ARHGAP10: variants seen among roughly 807,000 people sequenced by gnomAD.
The protein encoded by ARHGAP10 is Rho GTPase activating protein 10.
A neutral mutation model predicts 108.6 loss-of-function variants in ARHGAP10; 87 were observed. The observed-to-expected ratio is 0.80, with a 90% CI of 0.67 to 0.96. The LOEUF (loss-of-function observed/expected upper bound fraction) is 0.96, where lower values mean the gene tolerates loss of function less well. Among genes scored for constraint, ARHGAP10 ranks in the 40% least tolerant of loss-of-function variants. The pLI, the probability that ARHGAP10 is intolerant of heterozygous loss-of-function variation, is 0.00. For missense variants in ARHGAP10, 939 were observed against 954.5 expected, an observed-to-expected ratio of 0.98 and a Z score of 0.21; for synonymous variants, 347 against 341.1, an observed-to-expected ratio of 1.02 and a Z score of -0.19.
intron 19 of ARHGAP10, among the ~76,000 whole-genome samples, chr4:148,029,363 C>T (rs1415212013): frequency 6.6e-6 from 1 of 152,218 alleles, no homozygotes; most frequent in East Asian, 1.9e-4. Flanking sequence ...GCGGTGCACT[C>T]TGTAATCTCA....
chr4:147,767,898 T>A (rs542608215), intron 1 of ARHGAP10, among the ~76,000 whole-genome samples: 2 of 152,276 alleles, frequency 1.3e-5, no homozygotes, highest in East Asian at 3.9e-4. Flanking sequence ...GACAGACACA[T>A]TAGAGCCCTT....
At chr4:148,012,288 T>A (rs1216445789) in intron 18 of ARHGAP10, among the ~76,000 whole-genome samples, 1 of 152,212 alleles carries the variant, frequency 6.6e-6, no homozygotes, top group Non-Finnish European at 1.5e-5. Context: ...ACATGGCTGC[T>A]ATGTCTGAGA....
chr4:148,070,363 G>C (rs3884525), intron 22 of ARHGAP10, among the ~76,000 whole-genome samples: 103,952 of 152,044 alleles, frequency 0.68, 35,727 homozygotes, highest in East Asian at 0.83. Flanking sequence ...CCAGGGAGGC[G>C]TTGAAGCCAG....
At chr4:147,925,317 C>T (rs1258721845) in intron 13 of ARHGAP10, among the ~76,000 whole-genome samples, 1 of 152,208 alleles carries the variant, frequency 6.6e-6, no homozygotes, top group African/African-American at 2.4e-5. Context: ...CAGAGGGCAG[C>T]AGCGAGACAC....
At chr4:147,732,479 C>G (rs759968815) in intron 1 of ARHGAP10, 24 bp downstream of exon 1, 3 of 1,606,552 alleles carry the variant, frequency 1.9e-6, no homozygotes, top group Non-Finnish European at 1.7e-6. Context: ...CGGGCGCGGA[C>G]GGGCTGCGGC....
intron 19 of ARHGAP10, among the ~76,000 whole-genome samples, chr4:148,031,250 T>A (rs1728136446): frequency 6.6e-6 from 1 of 152,234 alleles, no homozygotes; most frequent in African/African-American, 2.4e-5. Context: ...TTCTTTTTCT[T>A]AAAATCTTTA....
chr4:147,774,819 C>T (rs2126722483), intron 1 of ARHGAP10, among the ~76,000 whole-genome samples: 1 of 152,072 alleles, frequency 6.6e-6, no homozygotes, highest in Middle Eastern at 3.4e-3. Flanking sequence ...TTGACAGAGT[C>T]TCAACAGGAC....
intron 1 of ARHGAP10, among the ~76,000 whole-genome samples, chr4:147,777,159 G>C (rs1443376734): frequency 6.6e-6 from 1 of 152,070 alleles, no homozygotes; most frequent in African/African-American, 2.4e-5. Flanking sequence ...TTTCAGCTAT[G>C]TATCTCTGGC....
Position 147,769,121 on chromosome 4 carries a change from A to AC in ARHGAP10, c.154+36667dup, listed in dbSNP as rs566233633. On this transcript the variant is annotated intron_variant, in intron 1 of 22. Coordinates refer to ENST00000336498, the MANE Select transcript of ARHGAP10 (RefSeq NM_024605.4). ...CATGATTTCATTATTGCTCTCAGGA[A>AC]CTGGATAATGCTTTAAGGTAGGACT... 1.6e-3 allele frequency among the ~76,000 whole-genome samples: 247 copies of AC among 152,296 alleles called. 2 individuals are homozygous for AC. Among genetic ancestry groups the AC allele is most frequent in the African/African-American group, 5.7e-3 (237 of 41,562 alleles).
intron 13 of ARHGAP10, among the ~76,000 whole-genome samples, chr4:147,935,710 A>G (rs1260770889): frequency 6.6e-6 from 1 of 152,244 alleles, no homozygotes; most frequent in Non-Finnish European, 1.5e-5. Context: ...GATAAAAAGT[A>G]TGTTCCAGCT....
At chr4:147,878,841 A>G (rs1304066711) in intron 8 of ARHGAP10, among the ~76,000 whole-genome samples, 1 of 137,534 alleles carries the variant, frequency 7.3e-6, no homozygotes, top group Non-Finnish European at 1.5e-5. Flanking sequence ...CAGTGGCGCG[A>G]TCTCGGCTCA....
chr4:147,964,417 C>T (rs1410417366), intron 16 of ARHGAP10, among the ~76,000 whole-genome samples: 1 of 152,214 alleles, frequency 6.6e-6, no homozygotes, highest in Non-Finnish European at 1.5e-5. Context: ...TGCTTCCCCA[C>T]GTGGCTGTGC....
chr4:147,940,892 T>C (rs906845562), intron 14 of ARHGAP10, among the ~76,000 whole-genome samples: 6 of 152,232 alleles, frequency 3.9e-5, no homozygotes, highest in Admixed American at 2.6e-4. Flanking sequence ...AAATTGCCCG[T>C]CATCAGTTGG....
At chr4:147,883,249 T>A (rs1735405880) in intron 10 of ARHGAP10, among the ~76,000 whole-genome samples, 1 of 152,052 alleles carries the variant, frequency 6.6e-6, no homozygotes, top group Non-Finnish European at 1.5e-5. Context: ...GAAAAAGAGG[T>A]TGGGTCTTGC....
intron 9 of ARHGAP10, among the ~76,000 whole-genome samples, 182 bp from the exon 10 acceptor site, chr4:147,881,629 CTCCCTTCTCAAAAGAATCAGGAGAATG>C (rs1374522969): frequency 1.3e-5 from 2 of 152,182 alleles, no homozygotes; most frequent in African/African-American, 4.8e-5. Flanking sequence ...AAGAGCGAGG[CTCCCTTCTCAAAAGAATCAGGAGAATG>C]ACAAAAATAT....
At chr4:148,009,344 C>G (rs1741084500) in intron 18 of ARHGAP10, among the ~76,000 whole-genome samples, 1 of 152,246 alleles carries the variant, frequency 6.6e-6, no homozygotes, top group Admixed American at 6.5e-5. Flanking sequence ...GTTGGCCAGT[C>G]TGGTCTCCAA....
intron 19 of ARHGAP10, among the ~76,000 whole-genome samples, chr4:148,036,192 C>T (rs1177040604): frequency 6.6e-6 from 1 of 151,332 alleles, no homozygotes. Flanking sequence ...AGAATAAATA[C>T]CTGGGCTGAA....
chr4:147,977,642 C>G (rs969986276), intron 18 of ARHGAP10, among the ~76,000 whole-genome samples: 2 of 152,020 alleles, frequency 1.3e-5, no homozygotes, highest in African/African-American at 4.8e-5. Context: ...CAGCTCCACT[C>G]AATTGTGTGA....
chr4:147,735,817 T>G (rs1336096036), intron 1 of ARHGAP10, among the ~76,000 whole-genome samples: 4 of 152,336 alleles, frequency 2.6e-5, no homozygotes, highest in Non-Finnish European at 5.9e-5. Flanking sequence ...TTTTTTAGTT[T>G]TCTTTTTAAA....
Sources: allele counts gnomAD v4.1 joint callset (sites outside exome capture counted in the v4.1 genomes callset), GRCh38; gene constraint gnomAD v4.1.1; transcripts MANE v1.5; gene names NCBI Gene and HGNC (gene_info 2026-07-23, HGNC 2026-07-21).